The following BTD variants were observed in gnomAD, a reference collection of about 807,000 sequenced individuals.
The protein encoded by BTD is biotinidase.
BTD carries 13 observed loss-of-function variants against 17.7 expected under a neutral mutation model. That is an observed-to-expected ratio of 0.74 (90% CI 0.48 to 1.17). The LOEUF is 1.17. BTD is among the 50% of genes most tolerant of loss of function. BTD has a pLI of 0.00. For missense variants in BTD, 674 were observed against 650.4 expected, an observed-to-expected ratio of 1.04 and a Z score of -0.39; for synonymous variants, 240 against 245.2, an observed-to-expected ratio of 0.98 and a Z score of 0.20.
At chr3:15,601,372 G>T (rs1490084273), upstream of BTD, 1 of 1,613,952 alleles carries the variant, frequency 6.2e-7, no homozygotes, top group Non-Finnish European at 8.5e-7. Context: ...TTCCAGGAAG[G>T]TCCATCGTAC....
At chr3:15,605,622 C>T (rs2064426044) in intron 1 of BTD, among the ~76,000 whole-genome samples, 1 of 152,070 alleles carries the variant, frequency 6.6e-6, no homozygotes, top group Non-Finnish European at 1.5e-5. Context: ...AGATACAATT[C>T]AATGTCCAGA....
chr3:15,695,874 G>T (rs965066362), intron 3 of BTD, among the ~76,000 whole-genome samples: 1 of 151,964 alleles, frequency 6.6e-6, no homozygotes, highest in Non-Finnish European at 1.5e-5. Context: ...AATTTAAAGG[G>T]GCAGGAGAAG....
At chr3:15,712,658 T>C (rs778493734) in exon 4 of BTD, among the ~76,000 whole-genome samples, 1 of 152,210 alleles carries the variant, frequency 6.6e-6, no homozygotes, top group African/African-American at 2.4e-5. Flanking sequence ...ATGCAACATG[T>C]TCAAGAATAT....
exon 4 of BTD, among the ~76,000 whole-genome samples, chr3:15,711,583 T>C (rs1575316871): frequency 6.6e-6 from 1 of 152,200 alleles, no homozygotes; most frequent in East Asian, 1.9e-4. Flanking sequence ...ACAGGCAAAT[T>C]TTATAGAGAT....
At chr3:15,671,342 AAT>A (rs993999423) in intron 3 of BTD, among the ~76,000 whole-genome samples, 1 of 152,180 alleles carries the variant, frequency 6.6e-6, no homozygotes, top group Non-Finnish European at 1.5e-5. Flanking sequence ...GAGAAGTGAT[AAT>A]AGTGTGATGC....
chr3:15,602,486 A>G (rs577539783), intron 1 of BTD, among the ~76,000 whole-genome samples: 5 of 152,328 alleles, frequency 3.3e-5, no homozygotes, highest in South Asian at 2.1e-4. Context: ...ATCGTTTGCA[A>G]TGTGCAATAT....
rs190340633 is a variant in BTD, at chr3:15,620,195, C to G, written c.-16-15229C>G. Among the ~76,000 whole-genome samples the G allele has an allele frequency of 6.6e-3, 998 of 152,296 alleles. 8 individuals are homozygous for G. The highest frequency in any genetic ancestry group is 0.023 in the African/African-American group (947 of 41,556). ...CAAGAGCAGAGAACCAGTCTGACCACGGATTTACCAGGGCTGAGTTTTCCC... is the reference window on the plus strand; with the variant it reads ...CAAGAGCAGAGAACCAGTCTGACCAGGGATTTACCAGGGCTGAGTTTTCCC... On this transcript the variant is annotated intron_variant, in intron 1 of 3. Transcript: ENST00000643237.
intron 2 of BTD, among the ~76,000 whole-genome samples, chr3:15,641,239 T>C (rs901083200): frequency 6.6e-6 from 1 of 152,158 alleles, no homozygotes; most frequent in Non-Finnish European, 1.5e-5. Context: ...TAATTCCCAG[T>C]TGGGGAATGG....
Position 15,679,314 on chromosome 3 carries a change from C to T in BTD, c.400-30746C>T, listed in dbSNP as rs1302708063. 27 of 1,613,794 alleles carry T rather than the reference C, an allele frequency of 1.7e-5. No individual in the cohort carries two copies. The highest frequency in any genetic ancestry group is 2.3e-5 in the Non-Finnish European group (27 of 1,179,830). On this transcript the variant is annotated intron_variant, in intron 3 of 3. Transcript: ENST00000672141. ...TTGAATTCCTACCTTCCTTTTGAAT[C>T]TGTGGCGTTCACAATGCTGGCACCT...
At chr3:15,608,109 A>G (rs937793245) in intron 1 of BTD, among the ~76,000 whole-genome samples, 2 of 152,194 alleles carry the variant, frequency 1.3e-5, no homozygotes, top group African/African-American at 2.4e-5. Context: ...GCTGACAGAC[A>G]CTGGGAGTTT....
chr3:15,632,283 C>T lies in BTD; in HGVS notation c.-16-3141C>T, dbSNP rs555641104. 7.2e-5 allele frequency among the ~76,000 whole-genome samples: 11 copies of T among 152,344 alleles called. 1 individual carries two copies. The South Asian group carries it at 8.3e-4, about 11-fold the overall frequency. On this transcript the variant is annotated intron_variant, in intron 1 of 3. Transcript: ENST00000643237. ...ACAGTTATCCAGAGCACGAGCCCCA[C>T]GAGGAAGGGTCTGTCTTGTCCACTG...
rs1055545497 is a variant in BTD at position 15,602,159 on chromosome 3, G to A, written c.-17+265G>A. On this transcript the variant is annotated intron_variant, in intron 1 of 3. Transcript: ENST00000643237. ...TAGTCCTTAAATTATTGTAGCGCAC[G>A]TTACTTAAATCCAGAAGCAGATGTG... The A allele has an allele frequency of 7.1e-6, 10 of 1,410,186 alleles. No individual in the cohort carries two copies. The East Asian group carries it at 2.3e-4, about 32-fold the overall frequency. The allele number at this position is 1,410,186 out of a possible 1,614,324, so 87.4% of individuals were successfully genotyped here. A position where few individuals can be genotyped will look rare whatever the true frequency, so the allele number is the denominator to read the frequency against.
At chr3:15,710,378 C>A (rs1249484544) in exon 4 of BTD, among the ~76,000 whole-genome samples, 1 of 152,150 alleles carries the variant, frequency 6.6e-6, no homozygotes, top group Non-Finnish European at 1.5e-5. Context: ...ACACTCAAGT[C>A]TGTTGTCCCT....
At position 15,645,265 on chromosome 3, in the gene BTD, C is replaced by G. The variant is rs1166669081; in HGVS notation, c.1349C>G (p.Thr450Ser). The G allele has an allele frequency of 1.9e-6, 3 of 1,614,188 alleles. No homozygotes were observed. The highest frequency in any genetic ancestry group is 2.5e-6 in the Non-Finnish European group (3 of 1,180,028). Residue 450 changes from threonine to serine, a missense_variant, in exon 4 of 4, where the codon ACC (threonine) becomes AGC (serine). Physicochemically the swap from Thr to Ser is moderately conservative, Grantham distance 58. Transcript: ENST00000643237. The part of the protein sequence containing the change: ...LVRCGGLGFD[T>S]CGQEITEATG... ...AGGTGTGGGGGTCTTGGCTTCGACA[C>G]CTGTGGACAGGAAATCACAGAGGCC...
At chr3:15,692,198 C>T (rs2068903483) in intron 3 of BTD, among the ~76,000 whole-genome samples, 1 of 148,742 alleles carries the variant, frequency 6.7e-6, no homozygotes. Flanking sequence ...ACACCTATAT[C>T]TCAGCACTTT....
intron 3 of BTD, chr3:15,675,804 G>T: frequency 9.2e-7 from 1 of 1,087,152 alleles, no homozygotes; most frequent in South Asian, 2.0e-5. Flanking sequence ...TCTCCTCTTT[G>T]ACCAATAAAA....
downstream of BTD, among the ~76,000 whole-genome samples, chr3:15,714,120 A>G (rs1021419008): frequency 6.6e-6 from 1 of 152,194 alleles, no homozygotes; most frequent in African/African-American, 2.4e-5. Flanking sequence ...TAATACACCT[A>G]AAAGTTCTTT....
chr3:15,672,822 C>G (rs537200951), intron 3 of BTD, among the ~76,000 whole-genome samples: 6 of 152,330 alleles, frequency 3.9e-5, no homozygotes, highest in African/African-American at 1.4e-4. Flanking sequence ...GTCACCCAGG[C>G]TAGAGTGCAC....
chr3:15,638,485 C>G (rs369606278), intron 2 of BTD, among the ~76,000 whole-genome samples: 6 of 152,152 alleles, frequency 3.9e-5, no homozygotes, highest in Admixed American at 3.9e-4. Context: ...ACAAAGTGAC[C>G]AAGCCACATG....
Sources: allele counts gnomAD v4.1 joint callset (sites outside exome capture counted in the v4.1 genomes callset), GRCh38; gene constraint gnomAD v4.1.1; transcripts MANE v1.5; gene names NCBI Gene and HGNC (gene_info 2026-07-23, HGNC 2026-07-21).